Variants in TMEM233 observed in about 807,000 individuals in gnomAD.
TMEM233 encodes the protein dispanin subfamily B member 2.
In TMEM233, 6 loss-of-function variants were observed where a neutral mutation model predicts 11.2. That is an observed-to-expected ratio of 0.54 (90% CI 0.29 to 1.06). TMEM233 has a LOEUF of 1.06. Ranked by LOEUF, TMEM233 falls within the 50% of genes least tolerant of loss-of-function variation. The probability of loss-of-function intolerance (pLI) is 0.08; values close to 1 mark genes in which losing one functional copy is unlikely to be tolerated. For synonymous variants in TMEM233, 59 were observed against 55.8 expected (o/e 1.06, Z -0.26); for missense variants, 127 against 144.7 (o/e 0.88, Z 0.63).
chr12:119,599,933 A>G (rs1954126212), intron 1 of TMEM233, among the ~76,000 whole-genome samples: 1 of 152,136 alleles, frequency 6.6e-6, no homozygotes, highest in African/African-American at 2.4e-5. Context: ...GCAATGTTGA[A>G]CAAGGAAGCT....
At chr12:119,616,352 C>G (rs914123829) in intron 1 of TMEM233, among the ~76,000 whole-genome samples, 3 of 152,138 alleles carry the variant, frequency 2.0e-5, no homozygotes, top group Admixed American at 2.0e-4. Flanking sequence ...TCTATAAGAT[C>G]CATTTGGATA....
chr12:119,641,041 T>G lies in TMEM233; in HGVS notation c.*336T>G. 3.5e-6 allele frequency: 1 copy of G among 286,042 alleles called. No individual in the cohort carries two copies. Among genetic ancestry groups the G allele is most frequent in the African/African-American group, 2.1e-5 (1 of 46,542 alleles). 17.7% of individuals were successfully genotyped at this position (286,042 alleles called of 1,614,324 possible). Reference sequence around the variant, plus strand: ...CAGAGGCGAGCCTCAGGAAATCACATAACTTTTCACTGAGGGGATCCAGGG... The same window carrying G: ...CAGAGGCGAGCCTCAGGAAATCACAGAACTTTTCACTGAGGGGATCCAGGG... On this transcript the variant is annotated 3_prime_UTR_variant, in exon 3 of 3. Coordinates refer to ENST00000426426, the MANE Select transcript of TMEM233 (RefSeq NM_001136534.3).
At chr12:119,639,695 C>T (rs1328630209) in intron 2 of TMEM233, among the ~76,000 whole-genome samples, 1 of 152,138 alleles carries the variant, frequency 6.6e-6, no homozygotes, top group Non-Finnish European at 1.5e-5. Flanking sequence ...CAGGTGCTTC[C>T]TCTAAGTAGC....
chr12:119,610,821 C>T (rs974899246), intron 1 of TMEM233, among the ~76,000 whole-genome samples: 1 of 152,162 alleles, frequency 6.6e-6, no homozygotes, highest in Non-Finnish European at 1.5e-5. Flanking sequence ...ATTAATACAA[C>T]CCATTTGCAG....
chr12:119,642,945 T>C lies in TMEM233; in HGVS notation c.*2240T>C, dbSNP rs1955106191. On this transcript the variant is annotated 3_prime_UTR_variant, in exon 3 of 3. Coordinates refer to ENST00000426426, the MANE Select transcript of TMEM233 (RefSeq NM_001136534.3). Reference sequence around the variant, plus strand: ...AGATTCTAGCATCATTCCAATAGATTGGACCCTGATTTCTGTTTCTGACAT... The same window carrying C: ...AGATTCTAGCATCATTCCAATAGATCGGACCCTGATTTCTGTTTCTGACAT... 1 of 152,226 alleles carries C rather than the reference T, an allele frequency of 6.6e-6. No individual in the cohort carries two copies. The highest frequency in any genetic ancestry group is 1.5e-5 in the Non-Finnish European group (1 of 68,018). The allele number at this position is 152,226 out of a possible 1,614,324, so 9.4% of individuals were successfully genotyped here. A position where few individuals can be genotyped will look rare whatever the true frequency, so the allele number is the denominator to read the frequency against.
downstream of TMEM233, among the ~76,000 whole-genome samples, chr12:119,646,901 C>A (rs1209346695): frequency 6.6e-6 from 1 of 152,172 alleles, no homozygotes; most frequent in African/African-American, 2.4e-5. Flanking sequence ...TATCTTTTGG[C>A]GAGCATTATT....
chr12:119,600,385 A>C (rs1468036943), intron 1 of TMEM233, among the ~76,000 whole-genome samples: 1 of 71,454 alleles, frequency 1.4e-5, no homozygotes, highest in African/African-American at 4.3e-5. Flanking sequence ...ATGTGGGTAG[A>C]TTAAAAAAAA....
intron 1 of TMEM233, among the ~76,000 whole-genome samples, chr12:119,613,464 A>G (rs2893796): frequency 0.38 from 57,589 of 151,986 alleles, 12,473 homozygotes; most frequent in East Asian, 0.56. Flanking sequence ...GCACAAAGGA[A>G]ATAAATCAGG....
rs1953985026 is a variant in TMEM233, at chr12:119,594,320, A to T, written c.186+286A>T. 1 of 379,268 alleles carries T rather than the reference A, an allele frequency of 2.6e-6. No homozygotes were observed. Among genetic ancestry groups the T allele is most frequent in the African/African-American group, 2.1e-5 (1 of 47,978 alleles). The allele number at this position is 379,268 out of a possible 1,614,324, so 23.5% of individuals were successfully genotyped here. On this transcript the variant is annotated intron_variant, in intron 1 of 2. Coordinates refer to ENST00000426426, the MANE Select transcript of TMEM233 (RefSeq NM_001136534.3). This position sits in a 1 kb window ranked among gnomAD's most constrained non-coding sequence, Gnocchi z 5.6. ...GCTCCCAGGGTGCGTTTCCTCTCCA[A>T]CCCGGGGAAGTTCTTCCGTGGACTT...
chr12:119,653,073 A>G, the TMEM233 span, among the ~76,000 whole-genome samples: 5 of 152,318 alleles, frequency 3.3e-5, no homozygotes, highest in Non-Finnish European at 7.4e-5. Flanking sequence ...CCTCTGCTAT[A>G]TTATCCACAA....
the TMEM233 span, among the ~76,000 whole-genome samples, chr12:119,650,041 C>T: frequency 6.6e-6 from 1 of 151,644 alleles, no homozygotes; most frequent in Non-Finnish European, 1.5e-5. Flanking sequence ...GCCTGTACTC[C>T]CAGCTACTCA....
chr12:119,626,520 GAA>G (rs1211362967), intron 1 of TMEM233, among the ~76,000 whole-genome samples: 606 of 58,204 alleles, frequency 0.01, 57 homozygotes, highest in African/African-American at 0.044. Context: ...AGGAGGAGGA[GAA>G]GGGAGAAGGG....
At chr12:119,644,478 C>CTTTTTTTTTTTT (rs58075242), downstream of TMEM233, among the ~76,000 whole-genome samples, 5 of 127,006 alleles carry the variant, frequency 3.9e-5, no homozygotes, top group Non-Finnish European at 3.3e-5. Flanking sequence ...TTTTTCTTTT[C>CTTTTTTTTTTTT]TTTTTTTTTT....
chr12:119,618,958 A>T (rs1471970455), intron 1 of TMEM233, among the ~76,000 whole-genome samples: 4 of 147,206 alleles, frequency 2.7e-5, no homozygotes, highest in Admixed American at 1.3e-4. Context: ...CAGTGTCCTC[A>T]CCCAAATCTC....
intron 1 of TMEM233, among the ~76,000 whole-genome samples, chr12:119,619,830 T>C (rs1302465535): frequency 6.6e-6 from 1 of 152,210 alleles, no homozygotes; most frequent in African/African-American, 2.4e-5. Context: ...ACTTTTTTGA[T>C]GTGGTTACTA....
intron 1 of TMEM233, among the ~76,000 whole-genome samples, chr12:119,627,996 T>C (rs1268816110): frequency 1.3e-5 from 2 of 152,088 alleles, no homozygotes; most frequent in African/African-American, 2.4e-5. Context: ...AATTTACATA[T>C]AGTTAAAAGT....
chr12:119,615,237 AATAAT>A (rs1034627685), intron 1 of TMEM233, among the ~76,000 whole-genome samples: 5 of 148,970 alleles, frequency 3.4e-5, no homozygotes, highest in African/African-American at 1.2e-4. Flanking sequence ...TCTTTGCCTT[AATAAT>A]ATTCTGTATT....
At chr12:119,601,595 T>C (rs918208106) in intron 1 of TMEM233, among the ~76,000 whole-genome samples, 6 of 150,138 alleles carry the variant, frequency 4.0e-5, no homozygotes, top group Non-Finnish European at 8.8e-5. Flanking sequence ...GAGCCGGAGC[T>C]TGCAGTGAGC....
At chr12:119,624,761 G>T in intron 1 of TMEM233, among the ~76,000 whole-genome samples, 1 of 152,256 alleles carries the variant, frequency 6.6e-6, no homozygotes, top group Non-Finnish European at 1.5e-5. Flanking sequence ...TAGATGGTGG[G>T]TCATGGTTGC....
Sources: gnomAD v4.1 joint callset for allele counts (sites outside exome capture counted in the v4.1 genomes callset) on GRCh38, gnomAD v4.1.1 for gene constraint, Gnocchi (gnomAD v3.1) non-coding constraint, MANE v1.5 for transcripts, NCBI Gene and HGNC (gene_info 2026-07-23, HGNC 2026-07-21) for gene names.